TREML2: variants seen among roughly 807,000 people sequenced by gnomAD.
The protein encoded by TREML2 is trem-like transcript 2 protein.
Under a neutral mutation model 25.9 loss-of-function variants are expected in TREML2, and 24 were observed. The ratio of observed to expected loss-of-function variants is 0.93; its 90% CI spans 0.67 to 1.30. The LOEUF (loss-of-function observed/expected upper bound fraction) is 1.30, where lower values mean the gene tolerates loss of function less well. TREML2 is among the 50% of genes most tolerant of loss of function. The pLI is 0.00. For synonymous variants in TREML2, 139 were observed against 155.2 expected (o/e 0.90, Z 0.77); for missense variants, 359 against 395.6 (o/e 0.91, Z 0.78).
intron 3 of TREML2, 141 bp from the exon 4 acceptor site, chr6:41,193,042 C>A (rs1766096209): frequency 2.6e-5 from 16 of 624,338 alleles, no homozygotes; most frequent in Non-Finnish European, 4.4e-5. Flanking sequence ...ACAGACCCGG[C>A]CACAGAAGCA....
rs1307667264 is a variant in TREML2, at chr6:41,192,944, C to T, written c.786-43G>A. ...GGTGGAAGCGGGTGAGCACCAAGGT[C>T]CCCCATCCTAACCCACGTTGGGATC... On this transcript the variant is annotated intron_variant, in intron 3 of 4. Coordinates refer to ENST00000483722, the MANE Select transcript of TREML2 (RefSeq NM_024807.4). The T allele has an allele frequency of 1.1e-5, 16 of 1,479,920 alleles. No individual in the cohort carries two copies. In the Admixed American group the frequency reaches 2.7e-4, roughly 25 times the overall value. 91.7% of individuals were successfully genotyped at this position (1,479,920 alleles called of 1,614,324 possible).
chr6:41,200,963 A>G lies in TREML2; in HGVS notation c.46T>C (p.Cys16Arg). The change falls in exon 1 of 5, where the codon TGC (cysteine) becomes CGC (arginine). Residue 16 changes from cysteine (C) to arginine (R), a missense_variant. By Grantham distance (180) the Cys-to-Arg change is radical (BLOSUM62 -3). Coordinates refer to ENST00000483722, the MANE Select transcript of TREML2 (RefSeq NM_024807.4). ...CCCCTTCTCCCCTCACCTGAGACGC[A>G]ACCCTGTGGCCACAGCAGCAGCAGC... ...LLLLLLWPQGCVSGPSADSVY... is the reference protein window; with the variant it reads ...LLLLLLWPQGRVSGPSADSVY... 2 of 1,570,336 alleles carry G rather than the reference A, an allele frequency of 1.3e-6. No homozygotes were observed. The highest frequency in any genetic ancestry group is 1.7e-6 in the Non-Finnish European group (2 of 1,158,510).
At chr6:41,200,783 G>A (rs9471503) in intron 1 of TREML2, among the ~76,000 whole-genome samples, 171 bp downstream of exon 1, 1 of 152,142 alleles carries the variant, frequency 6.6e-6, no homozygotes, top group Non-Finnish European at 1.5e-5. Context: ...GGTTAGCTTC[G>A]CCTGGGGCCT....
chr6:41,193,487 G>A (rs1384392560), intron 3 of TREML2, among the ~76,000 whole-genome samples: 7 of 152,036 alleles, frequency 4.6e-5, no homozygotes, highest in African/African-American at 9.7e-5. Context: ...TGCTAGATCT[G>A]ACTCTCCCCG....
At position 41,198,415 on chromosome 6, in the gene TREML2, T is replaced by G. The variant is rs1256166799; in HGVS notation, c.70A>C (p.Ser24Arg). The G allele has an allele frequency of 6.2e-7, 1 of 1,611,192 alleles. No individual in the cohort carries two copies. Among genetic ancestry groups the G allele is most frequent in the Admixed American group, 1.7e-5 (1 of 59,912 alleles). ...QGCVSGPSAD[S>R]VYTKVRLLEG... Reference sequence around the variant, plus strand: ...AGGAGCCTCACTTTTGTGTATACACTGTCAGCAGAGGGGCCTGTGGAGACA... The same window carrying G: ...AGGAGCCTCACTTTTGTGTATACACGGTCAGCAGAGGGGCCTGTGGAGACA... The change falls in exon 2 of 5, where the codon AGT becomes CGT. Residue 24 changes from serine (S) to arginine (R), a missense_variant. Transcript: ENST00000483722.
At chr6:41,199,164 C>G (rs1485320564) in intron 1 of TREML2, among the ~76,000 whole-genome samples, 1 of 152,146 alleles carries the variant, frequency 6.6e-6, no homozygotes, top group African/African-American at 2.4e-5. Context: ...GCCCGGCATC[C>G]CAGGGAATTC....
At chr6:41,200,901 T>C (rs1582100673) in intron 1 of TREML2, 53 bp downstream of exon 1, 3 of 1,443,522 alleles carry the variant, frequency 2.1e-6, no homozygotes, top group Non-Finnish European at 2.8e-6. Context: ...GGCCCTGAGC[T>C]CCTGCCTCTG....
chr6:41,194,640 G>A lies in TREML2; in HGVS notation c.570C>T (p.Tyr190=), dbSNP rs765854421. 33 of 1,613,954 alleles carry A rather than the reference G, an allele frequency of 2.0e-5. No individual in the cohort carries two copies. In the South Asian group the frequency reaches 2.4e-4, roughly 12 times the overall value. The change falls in exon 3 of 5, where the codon TAC becomes TAT. Residue 190 remains tyrosine (Y), a synonymous_variant. Coordinates refer to ENST00000483722, the MANE Select transcript of TREML2 (RefSeq NM_024807.4). ...ASTRPASKTG[Y]SFTATSTTSQ... ...TGGTGGTGCTGGTAGCAGTGAAGCT[G>A]TAGCCTGTCTTGGAGGCAGGTCTGG...
In TREML2 at chr6:41,198,230, G is replaced by T; in HGVS notation, c.255C>A (p.Ala85=). The T allele has an allele frequency of 1.2e-6, 2 of 1,614,220 alleles. No homozygotes were observed. Among genetic ancestry groups the T allele is most frequent in the South Asian group, 1.1e-5 (1 of 91,090 alleles). The change falls in exon 2 of 5, where the codon GCC becomes GCA. Residue 85 remains alanine, a synonymous_variant. Transcript: ENST00000483722. ...PRYLLQDDAQ[A]KVVNITMVAL... ...CCACCATGGTGATGTTGACCACCTTGGCCTGGGCATCGTCCTGCAGCAAGT... is the reference window on the plus strand; with the variant it reads ...CCACCATGGTGATGTTGACCACCTTTGCCTGGGCATCGTCCTGCAGCAAGT...
chr6:41,192,192 T>C lies in TREML2; in HGVS notation c.*235A>G. 1.9e-6 allele frequency: 1 copy of C among 540,120 alleles called. No homozygotes were observed. The highest frequency in any genetic ancestry group is 3.4e-6 in the Non-Finnish European group (1 of 298,274). The allele number at this position is 540,120 out of a possible 1,614,324, so 33.5% of individuals were successfully genotyped here. ...ACCACTGGTCACATTTCCTCGGGAC[T>C]TTCTCCCTGATGCCCTTTGCTCTGG... On this transcript the variant is annotated 3_prime_UTR_variant, in exon 5 of 5. Coordinates refer to ENST00000483722, the MANE Select transcript of TREML2 (RefSeq NM_024807.4).
rs1230773727 is a variant in TREML2 at position 41,201,071 on chromosome 6, G to A, written c.-63C>T. 6.3e-7 allele frequency: 1 copy of A among 1,592,194 alleles called. No homozygotes were observed. Among genetic ancestry groups the A allele is most frequent in the Non-Finnish European group, 8.6e-7 (1 of 1,160,612 alleles). On this transcript the variant is annotated 5_prime_UTR_variant, in exon 1 of 5. Transcript: ENST00000483722. ...CAAGGTGAGGGCCCACCCGACACAGGATGTGCCACCTGGGCCTGCCAGGGA... is the reference window on the plus strand; with the variant it reads ...CAAGGTGAGGGCCCACCCGACACAGAATGTGCCACCTGGGCCTGCCAGGGA...
chr6:41,194,734 G>T lies in TREML2; in HGVS notation c.476C>A (p.Ala159Asp). ...TGQAPTSGPDAPFTTGVMVFT... is the reference protein window; with the variant it reads ...TGQAPTSGPDDPFTTGVMVFT... Reference sequence around the variant, plus strand: ...CACCATCACACCAGTGGTAAAAGGGGCATCAGGGCCTGAGGTAGGGGCTTG... The same window carrying T: ...CACCATCACACCAGTGGTAAAAGGGTCATCAGGGCCTGAGGTAGGGGCTTG... Residue 159 changes from alanine (A) to aspartate (D), a missense_variant, in exon 3 of 5, where the codon GCC becomes GAC. Physicochemically the swap from Ala to Asp is moderately radical, Grantham distance 126. Coordinates refer to ENST00000483722, the MANE Select transcript of TREML2 (RefSeq NM_024807.4). 1 of 1,614,022 alleles carries T rather than the reference G, an allele frequency of 6.2e-7. No individual in the cohort carries two copies. Among genetic ancestry groups the T allele is most frequent in the Non-Finnish European group, 8.5e-7 (1 of 1,179,962 alleles).
intron 2 of TREML2, among the ~76,000 whole-genome samples, chr6:41,197,378 C>G (rs1766186383): frequency 6.6e-6 from 1 of 152,230 alleles, no homozygotes; most frequent in Admixed American, 6.5e-5. Flanking sequence ...CATTGCCTCA[C>G]ACTCCATATA....
chr6:41,197,667 C>T (rs370743864), intron 2 of TREML2, among the ~76,000 whole-genome samples: 1 of 152,262 alleles, frequency 6.6e-6, no homozygotes, highest in East Asian at 1.9e-4. Flanking sequence ...TTATGAACAC[C>T]TCTTGTTTTC....
Position 41,201,013 on chromosome 6 carries a change from C to A in TREML2, c.-5G>T. 6.2e-7 allele frequency: 1 copy of A among 1,609,208 alleles called. No homozygotes were observed. Among genetic ancestry groups the A allele is most frequent in the South Asian group, 1.1e-5 (1 of 90,522 alleles). On this transcript the variant is annotated 5_prime_UTR_variant, in exon 1 of 5. An upstream open reading frame in the 5' UTR gains an earlier in-frame stop. Coordinates refer to ENST00000483722, the MANE Select transcript of TREML2 (RefSeq NM_024807.4). ...CAGCAGGAAGGCTGGGGCCATGGTT[C>A]CATCCAGCTGGGCAGTGTCAGGCCT...
intron 1 of TREML2, among the ~76,000 whole-genome samples, chr6:41,200,043 A>G (rs1242728916): frequency 1.3e-5 from 2 of 152,204 alleles, no homozygotes; most frequent in Non-Finnish European, 2.9e-5. Flanking sequence ...CAGAGCTGTG[A>G]CAGTCAAGGG....
In TREML2 at chr6:41,194,834, C is replaced by G; in HGVS notation, c.377-1G>C. On this transcript the variant is annotated splice_acceptor_variant, in intron 2 of 4. Transcript: ENST00000483722. LOFTEE classifies it high-confidence loss of function. ...GGAATGTTCCTCTCAGTTTGGGGAG[C>G]TGAAAGACAGAAAGGGAGGAACGTT... The G allele has an allele frequency of 6.4e-7, 1 of 1,552,762 alleles. No individual in the cohort carries two copies. Among genetic ancestry groups the G allele is most frequent in the Non-Finnish European group, 8.7e-7 (1 of 1,146,310 alleles).
chr6:41,193,071 AAGAGGAGGACGTCCCCAGGT>A (rs1366576782), intron 3 of TREML2, among the ~76,000 whole-genome samples, 170 bp from the exon 4 acceptor site: 1 of 152,078 alleles, frequency 6.6e-6, no homozygotes, highest in Non-Finnish European at 1.5e-5. Flanking sequence ...ATCCGGAGTT[AAGAGGAGGACGTCCCCAGGT>A]AGAGGGGAAC....
chr6:41,200,851 C>T (rs780726512), intron 1 of TREML2, 103 bp downstream of exon 1: 47 of 1,083,596 alleles, frequency 4.3e-5, no homozygotes, highest in Non-Finnish European at 5.5e-5. Context: ...ACCCACAAAA[C>T]ACTAAACAAG....
Sources: allele counts gnomAD v4.1 joint callset (sites outside exome capture counted in the v4.1 genomes callset), GRCh38; gene constraint gnomAD v4.1.1; transcripts MANE v1.5; gene names NCBI Gene and HGNC (gene_info 2026-07-23, HGNC 2026-07-21).